The following UNC5D variants were observed in gnomAD, a reference collection of about 807,000 sequenced individuals.
UNC5D encodes unc-5 netrin receptor D, also known as netrin receptor UNC5D.
Under a neutral mutation model 105.4 loss-of-function variants are expected in UNC5D, and 39 were observed. That is an observed-to-expected ratio of 0.37 (90% confidence interval 0.29 to 0.48). The LOEUF (loss-of-function observed/expected upper bound fraction) is 0.48, where lower values mean the gene tolerates loss of function less well. Ranked by LOEUF, UNC5D falls within the 20% of genes least tolerant of loss-of-function variation. The probability of loss-of-function intolerance (pLI) is 0.98; values close to 1 mark genes in which losing one functional copy is unlikely to be tolerated. For missense variants in UNC5D, 991 were observed against 1,202.4 expected (o/e 0.82, Z 2.60); for synonymous variants, 452 against 450.4 (o/e 1.00, Z -0.04).
At chr8:35,572,699 TCAAACTTTAACATG>T in intron 3 of UNC5D, among the ~76,000 whole-genome samples, 1 of 152,270 alleles carries the variant, frequency 6.6e-6, no homozygotes, top group East Asian at 1.9e-4. Flanking sequence ...GCAGTGTTTC[TCAAACTTTAACATG>T]CATGCAAATC....
intron 1 of UNC5D, among the ~76,000 whole-genome samples, chr8:35,462,221 G>GT (rs879435239): frequency 4.0e-4 from 60 of 150,548 alleles, no homozygotes; most frequent in Admixed American, 5.3e-4. Flanking sequence ...TCTTTTAAAG[G>GT]TTTTTTTTTA....
chr8:35,438,904 G>T (rs1807210623), intron 1 of UNC5D, among the ~76,000 whole-genome samples: 1 of 152,030 alleles, frequency 6.6e-6, no homozygotes, highest in African/African-American at 2.4e-5. Flanking sequence ...CTGAGGTCAG[G>T]TCTGGCTTAA....
chr8:35,590,861 C>A (rs1819122411), intron 3 of UNC5D, among the ~76,000 whole-genome samples: 2 of 152,074 alleles, frequency 1.3e-5, no homozygotes, highest in Non-Finnish European at 2.9e-5. Flanking sequence ...ACCACTCCTG[C>A]CTGGTGGGGT....
At position 35,657,072 on chromosome 8, in the gene UNC5D, G is replaced by A. The variant is rs1223223174; in HGVS notation, c.571-26475G>A. 1.0e-4 allele frequency among the ~76,000 whole-genome samples: 10 copies of A among 99,054 alleles called. No individual in the cohort carries two copies. The East Asian group carries it at 2.1e-3, about 21-fold the overall frequency. 65.0% of individuals were successfully genotyped at this position (99,054 alleles called of 152,430 possible). A position where few individuals can be genotyped will look rare whatever the true frequency, so the allele number is the denominator to read the frequency against. On this transcript the variant is annotated intron_variant, in intron 4 of 16. Coordinates refer to ENST00000404895, the MANE Select transcript of UNC5D (RefSeq NM_080872.4). Reference sequence around the variant, plus strand: ...TGTGTGTGTGTGTGTGTGTGTGTGTGTGTGTGTGTATATATATATATATAT... The same window carrying A: ...TGTGTGTGTGTGTGTGTGTGTGTGTATGTGTGTGTATATATATATATATAT...
intron 7 of UNC5D, among the ~76,000 whole-genome samples, chr8:35,704,965 T>TC (rs199537867): frequency 1.5e-4 from 22 of 144,380 alleles, no homozygotes; most frequent in African/African-American, 4.9e-4. Flanking sequence ...AATGCCTTTT[T>TC]TTTTTTTTTT....
chr8:35,348,021 C>G lies in UNC5D; in HGVS notation c.103+112134C>G, dbSNP rs866157118. Among the ~76,000 whole-genome samples the G allele has an allele frequency of 5.3e-5, 8 of 151,994 alleles. No individual in the cohort carries two copies. The South Asian group carries it at 1.7e-3, about 32-fold the overall frequency. ...TCTTCAAACTGCAGAAGTAGTACCTCTTTGTTTTGTCAAGTGAAACAAGGC... is the reference window on the plus strand; with the variant it reads ...TCTTCAAACTGCAGAAGTAGTACCTGTTTGTTTTGTCAAGTGAAACAAGGC... On this transcript the variant is annotated intron_variant, in intron 1 of 16. Coordinates refer to ENST00000404895, the MANE Select transcript of UNC5D (RefSeq NM_080872.4).
At chr8:35,266,378 A>G (rs1172513040) in intron 1 of UNC5D, among the ~76,000 whole-genome samples, 2 of 152,210 alleles carry the variant, frequency 1.3e-5, no homozygotes, top group Admixed American at 6.5e-5. Flanking sequence ...GTTGAACCAT[A>G]TATAGTAAAT....
chr8:35,600,625 C>T (rs541922969), intron 4 of UNC5D, among the ~76,000 whole-genome samples: 61 of 152,218 alleles, frequency 4.0e-4, no homozygotes, highest in Middle Eastern at 3.4e-3. Context: ...TCATATCCTT[C>T]GCCCACTTTT....
intron 1 of UNC5D, among the ~76,000 whole-genome samples, chr8:35,440,253 G>A (rs1330450856): frequency 6.6e-6 from 1 of 151,902 alleles, no homozygotes; most frequent in Non-Finnish European, 1.5e-5. Flanking sequence ...CTCTCTGAGT[G>A]CATGTTGATG....
chr8:35,668,368 T>A (rs1207869306), intron 4 of UNC5D, among the ~76,000 whole-genome samples: 2 of 152,130 alleles, frequency 1.3e-5, no homozygotes, highest in African/African-American at 4.8e-5. Context: ...ATATTTAATA[T>A]CATCCTTTAT....
chr8:35,273,882 A>G (rs1805590552), intron 1 of UNC5D, among the ~76,000 whole-genome samples: 1 of 152,222 alleles, frequency 6.6e-6, no homozygotes, highest in South Asian at 2.1e-4. Context: ...AATTTTATTT[A>G]TAACCCTGGG....
intron 1 of UNC5D, among the ~76,000 whole-genome samples, chr8:35,435,636 A>C (rs1287619678): frequency 6.6e-6 from 1 of 152,142 alleles, no homozygotes; most frequent in African/African-American, 2.4e-5. Context: ...ATAAAATGAA[A>C]ATAACTCATA....
intron 1 of UNC5D, among the ~76,000 whole-genome samples, chr8:35,457,148 G>A (rs950691031): frequency 1.3e-5 from 2 of 152,138 alleles, no homozygotes; most frequent in African/African-American, 4.8e-5. Context: ...CCTGTAAAAT[G>A]ACTGGTATAT....
At chr8:35,325,737 A>G (rs1236576831) in intron 1 of UNC5D, among the ~76,000 whole-genome samples, 1 of 152,174 alleles carries the variant, frequency 6.6e-6, no homozygotes, top group Non-Finnish European at 1.5e-5. Flanking sequence ...GGCATGATAA[A>G]CCCTCACACA....
chr8:35,623,365 AC>A (rs1464156518), intron 4 of UNC5D, among the ~76,000 whole-genome samples: 3 of 152,142 alleles, frequency 2.0e-5, no homozygotes, highest in Non-Finnish European at 4.4e-5. Flanking sequence ...TGCTATGAAC[AC>A]CCGCGGCGTA....
intron 13 of UNC5D, 64 bp from the exon 14 acceptor site, chr8:35,759,256 T>G (rs1830650137): frequency 6.4e-7 from 1 of 1,566,354 alleles, no homozygotes; most frequent in Non-Finnish European, 8.7e-7. Context: ...TATCCCTAGA[T>G]AGGAAATATG....
chr8:35,576,388 T>C (rs1397170769), intron 3 of UNC5D, among the ~76,000 whole-genome samples: 2 of 152,200 alleles, frequency 1.3e-5, no homozygotes, highest in African/African-American at 4.8e-5. Context: ...CTGTTTTGAT[T>C]GAACGCCAGA....
chr8:35,384,312 C>T (rs996520939), intron 1 of UNC5D, among the ~76,000 whole-genome samples: 6 of 151,982 alleles, frequency 3.9e-5, no homozygotes, highest in African/African-American at 1.4e-4. Flanking sequence ...GTATTTAGAA[C>T]AGGCTGTGCA....
intron 1 of UNC5D, among the ~76,000 whole-genome samples, chr8:35,509,662 C>T (rs1812569356): frequency 6.6e-6 from 1 of 151,212 alleles, no homozygotes; most frequent in Non-Finnish European, 1.5e-5. Flanking sequence ...TCTCTTCTTA[C>T]CACAACACAG....
Sources: allele counts gnomAD v4.1 joint callset (sites outside exome capture counted in the v4.1 genomes callset), GRCh38; gene constraint gnomAD v4.1.1; transcripts MANE v1.5; gene names NCBI Gene and HGNC (gene_info 2026-07-23, HGNC 2026-07-21).